ERMP1: variants seen among roughly 807,000 people sequenced by gnomAD.
ERMP1 encodes the protein Felix-ina.
Under a neutral mutation model 92.0 loss-of-function variants are expected in ERMP1, and 86 were observed. The observed-to-expected ratio is 0.93, with a 90% CI of 0.79 to 1.12. The LOEUF is 1.12. Among genes scored for constraint, ERMP1 ranks in the 50% most tolerant of loss-of-function variants. The pLI is 0.00. For missense variants in ERMP1, 1,342 were observed against 1,116.3 expected (o/e 1.20, Z -2.88); for synonymous variants, 530 against 412.8 (o/e 1.28, Z -3.44).
At chr9:5,803,936 C>A (rs1362412452) in intron 10 of ERMP1, among the ~76,000 whole-genome samples, 3 of 152,146 alleles carry the variant, frequency 2.0e-5, no homozygotes, top group African/African-American at 4.8e-5. Context: ...AATTACTCTA[C>A]AGGACTATAT....
chr9:5,839,748 G>C (rs1437341522), intron 6 of ERMP1, among the ~76,000 whole-genome samples: 1 of 152,084 alleles, frequency 6.6e-6, no homozygotes, highest in African/African-American at 2.4e-5. Context: ...GTCTTTACTG[G>C]CCTAAAATAG....
intron 6 of ERMP1, among the ~76,000 whole-genome samples, chr9:5,858,903 G>A (rs972454151): frequency 6.6e-6 from 1 of 152,178 alleles, no homozygotes; most frequent in Non-Finnish European, 1.5e-5. Context: ...TTCAAGCAGT[G>A]GTTCCTTCCC....
chr9:5,837,109 T>A (rs1398405250), upstream of ERMP1, among the ~76,000 whole-genome samples: 1 of 152,240 alleles, frequency 6.6e-6, no homozygotes, highest in Non-Finnish European at 1.5e-5. Flanking sequence ...TCTATATTCA[T>A]CTTAAAAGCC....
At chr9:5,823,372 C>G (rs781669537) in intron 4 of ERMP1, among the ~76,000 whole-genome samples, 1 of 152,140 alleles carries the variant, frequency 6.6e-6, no homozygotes, top group South Asian at 2.1e-4. Flanking sequence ...AAACCTGTTA[C>G]ATACACTACA....
intron 6 of ERMP1, among the ~76,000 whole-genome samples, chr9:5,840,677 T>C (rs1586834682): frequency 1.3e-5 from 2 of 152,250 alleles, no homozygotes; most frequent in South Asian, 4.1e-4. Context: ...ACCTGCGGTG[T>C]ATCCTCCAAC....
chr9:5,794,594 G>A (rs1828337589), intron 13 of ERMP1, among the ~76,000 whole-genome samples: 1 of 152,016 alleles, frequency 6.6e-6, no homozygotes, highest in Non-Finnish European at 1.5e-5. Flanking sequence ...ACATTAAAAG[G>A]ATAATTAAGG....
At chr9:5,796,475 G>A (rs912849387) in intron 13 of ERMP1, among the ~76,000 whole-genome samples, 6 of 152,210 alleles carry the variant, frequency 3.9e-5, no homozygotes, top group African/African-American at 1.4e-4. Context: ...ACCTGCCCAG[G>A]AATCTTTATA....
intron 10 of ERMP1, among the ~76,000 whole-genome samples, chr9:5,803,402 C>G (rs140387399): frequency 8.5e-5 from 13 of 152,292 alleles, no homozygotes; most frequent in African/African-American, 1.4e-4. Flanking sequence ...ACACTTTAAT[C>G]CTCTTTCTTC....
chr9:5,790,062 A>G (rs1235857450), intron 13 of ERMP1, among the ~76,000 whole-genome samples: 1 of 152,126 alleles, frequency 6.6e-6, no homozygotes, highest in Non-Finnish European at 1.5e-5. Flanking sequence ...AAATATACAA[A>G]TGTTACATGT....
rs1829162281 is a variant in ERMP1 at position 5,813,032 on chromosome 9, G to C, written c.878C>G (p.Pro293Arg). The change falls in exon 5 of 15, where the codon CCT becomes CGT. Residue 293 changes from proline (P) to arginine (R), a missense_variant. Physicochemically the swap from Pro to Arg is moderately radical, Grantham distance 103. Coordinates refer to ENST00000339450, the MANE Select transcript of ERMP1 (RefSeq NM_024896.3). ...GGKELVFQTG[P>R]ENPWLVQAYV... is the part of the protein sequence containing the mutation. The stretch of plus-strand genomic sequence containing the variant: ...AGCTTGAACCAACCAAGGATTTTCA[G>C]GACCTAAAATGAAAGATGACAACAC... The C allele has an allele frequency of 6.2e-7, 1 of 1,613,742 alleles. No individual in the cohort carries two copies. Among genetic ancestry groups the C allele is most frequent in the Admixed American group, 1.7e-5 (1 of 59,980 alleles).
intron 5 of ERMP1, among the ~76,000 whole-genome samples, chr9:5,865,733 G>A (rs977508862): frequency 4.7e-5 from 7 of 149,734 alleles, no homozygotes; most frequent in African/African-American, 1.5e-4. Flanking sequence ...AGCTACTCGG[G>A]AGGCTGAGGC....
chr9:5,833,052 C>T lies in ERMP1; in HGVS notation c.-25G>A. On this transcript the variant is annotated 5_prime_UTR_variant, in exon 1 of 15. Coordinates refer to ENST00000339450, the MANE Select transcript of ERMP1 (RefSeq NM_024896.3). ...TGGCCACGAGCCTCAGCTGCCAGCC[C>T]AACCGCCCCAACCCGCGACAGCCCC... 4.9e-6 allele frequency: 7 copies of T among 1,437,018 alleles called. No individual in the cohort carries two copies. The highest frequency in any genetic ancestry group is 6.3e-6 in the Non-Finnish European group (7 of 1,105,228). The allele number at this position is 1,437,018 out of a possible 1,614,324, so 89.0% of individuals were successfully genotyped here.
At chr9:5,822,299 G>A (rs529376142) in intron 4 of ERMP1, among the ~76,000 whole-genome samples, 2 of 152,010 alleles carry the variant, frequency 1.3e-5, no homozygotes, top group Non-Finnish European at 2.9e-5. Context: ...CTATAATAAT[G>A]TATCTACTCA....
chr9:5,851,521 G>A lies in ERMP1; in HGVS notation n.3199+7947C>T, dbSNP rs75799399. 4.9e-4 allele frequency among the ~76,000 whole-genome samples: 75 copies of A among 152,312 alleles called. 1 individual carries two copies. In the East Asian group the frequency reaches 0.013, roughly 25 times the overall value. ...ATAATATATAGAAGTGGGAGGAGGC[G>A]AGGGAGGGTTCGTGATCATATCAGC... is the stretch of plus-strand genomic sequence containing the variant. On this transcript the variant is annotated intron_variant and non_coding_transcript_variant, in intron 6 of 6. Transcript: ENST00000690753.
intron 6 of ERMP1, among the ~76,000 whole-genome samples, chr9:5,847,906 A>G (rs1218660548): frequency 6.6e-6 from 1 of 150,462 alleles, no homozygotes; most frequent in Non-Finnish European, 1.5e-5. Context: ...AAAAATAAAA[A>G]AGACAGGAAA....
intron 5 of ERMP1, among the ~76,000 whole-genome samples, chr9:5,863,039 G>C (rs764599569): frequency 6.6e-6 from 1 of 152,112 alleles, no homozygotes; most frequent in Non-Finnish European, 1.5e-5. Context: ...TTTTTGCTTT[G>C]AGTTTGGAAA....
At chr9:5,797,705 G>C (rs1451633969) in intron 13 of ERMP1, 112 bp downstream of exon 13, 3 of 697,478 alleles carry the variant, frequency 4.3e-6, no homozygotes, top group Non-Finnish European at 7.5e-6. Flanking sequence ...AACATCACAG[G>C]CTCTTCCTAA....
chr9:5,838,378 C>T (rs1216173039), intron 6 of ERMP1, among the ~76,000 whole-genome samples: 3 of 151,916 alleles, frequency 2.0e-5, no homozygotes, highest in East Asian at 3.9e-4. Flanking sequence ...CCCATCTCTA[C>T]AAAAAATACC....
chr9:5,864,504 T>A (rs1156830215), intron 5 of ERMP1, among the ~76,000 whole-genome samples: 2 of 152,202 alleles, frequency 1.3e-5, no homozygotes, highest in Non-Finnish European at 2.9e-5. Flanking sequence ...CCCAGGCTAT[T>A]TAACCTCACC....
Sources: gnomAD v4.1 joint callset for allele counts (sites outside exome capture counted in the v4.1 genomes callset) on GRCh38, gnomAD v4.1.1 for gene constraint, MANE v1.5 for transcripts, NCBI Gene and HGNC (gene_info 2026-07-23, HGNC 2026-07-21) for gene names.